The following GPR174 variants were observed in gnomAD, a reference collection of about 807,000 sequenced individuals.
GPR174 encodes the protein probable G protein-coupled receptor 174.
GPR174 carries 8 observed loss-of-function variants against 16.5 expected under a neutral mutation model. The observed-to-expected ratio is 0.48, with a 90% CI of 0.28 to 0.87. The LOEUF (loss-of-function observed/expected upper bound fraction) is 0.87. Ranked by LOEUF, GPR174 falls within the 40% of genes least tolerant of loss-of-function variation. The pLI, the probability that GPR174 is intolerant of heterozygous loss-of-function variation, is 0.09. For missense variants in GPR174, 214 were observed against 247.5 expected (o/e 0.86, Z 0.91); for synonymous variants, 111 against 94.8 (o/e 1.17, Z -0.99).
intron 1 of GPR174, among the ~76,000 whole-genome samples, chrX:79,154,582 G>A (rs895568931): frequency 9.0e-6 from 1 of 111,080 alleles, no homozygotes; most frequent in African/African-American, 3.3e-5. Flanking sequence ...GCACTGGGAA[G>A]GAAGAACACA....
intron 2 of GPR174, among the ~76,000 whole-genome samples, chrX:79,161,944 T>G (rs766356516): frequency 8.9e-6 from 1 of 111,853 alleles, no homozygotes; most frequent in Admixed American, 9.5e-5. Flanking sequence ...CTGACTTGCT[T>G]TCGTTTTTAC....
intron 1 of GPR174, among the ~76,000 whole-genome samples, chrX:79,152,145 G>T (rs188758837): frequency 9.0e-6 from 1 of 111,424 alleles, no homozygotes. Context: ...GTACACAGAG[G>T]CTCTCCTAAA....
At chrX:79,160,979 G>A (rs941397814) in intron 2 of GPR174, among the ~76,000 whole-genome samples, 4 of 111,766 alleles carry the variant, frequency 3.6e-5, no homozygotes, top group African/African-American at 1.3e-4. Context: ...ATCTGGAAAA[G>A]CTTGTCTAAA....
In GPR174 at chrX:79,175,259, T is replaced by C. The variant is rs1921613511; in HGVS notation, c.*3250T>C. ...AAATGTTGCACTTGGAATTTATTTATGGCTATAACTTATAATATTCATTTT... is the reference window on the plus strand; with the variant it reads ...AAATGTTGCACTTGGAATTTATTTACGGCTATAACTTATAATATTCATTTT... On this transcript the variant is annotated 3_prime_UTR_variant, in exon 3 of 3. Transcript: ENST00000645147. 1.8e-5 allele frequency: 2 copies of C among 111,955 alleles called. No homozygotes were observed. Among genetic ancestry groups the C allele is most frequent in the Non-Finnish European group, 3.8e-5 (2 of 53,168 alleles). 9.2% of individuals were successfully genotyped at this position (111,955 alleles called of 1,213,427 possible). A position where few individuals can be genotyped will look rare whatever the true frequency, so the allele number is the denominator to read the frequency against.
intron 1 of GPR174, among the ~76,000 whole-genome samples, chrX:79,147,861 C>A (rs913100229): frequency 9.0e-6 from 1 of 111,672 alleles, no homozygotes; most frequent in East Asian, 2.8e-4. Flanking sequence ...TGTCATATAA[C>A]CGAGTGCTAT....
At chrX:79,165,170 A>T (rs760924843) in intron 2 of GPR174, among the ~76,000 whole-genome samples, 1 of 110,984 alleles carries the variant, frequency 9.0e-6, no homozygotes, top group Non-Finnish European at 1.9e-5. Flanking sequence ...GTCTGCTTAG[A>T]GGCTTCCGTA....
At chrX:79,156,672 C>A (rs572160872) in intron 1 of GPR174, 150 bp from the exon 2 acceptor site, 1 of 111,900 alleles carries the variant, frequency 8.9e-6, no homozygotes, top group African/African-American at 3.2e-5. Context: ...ACTTCGCTAC[C>A]ACTAATGACT....
Position 79,173,525 on chromosome X carries a change from C to A in GPR174, c.*1516C>A, listed in dbSNP as rs1921567490. On this transcript the variant is annotated 3_prime_UTR_variant, in exon 3 of 3. Coordinates refer to ENST00000645147, the MANE Select transcript of GPR174 (RefSeq NM_032553.3). ...CGTCTCACAGAAGGAATGTAGAACCCAATCAAAGGCTTTATCATATTTAGA... is the reference window on the plus strand; with the variant it reads ...CGTCTCACAGAAGGAATGTAGAACCAAATCAAAGGCTTTATCATATTTAGA... 1.8e-5 allele frequency: 2 copies of A among 111,716 alleles called. No individual in the cohort carries two copies. Among genetic ancestry groups the A allele is most frequent in the South Asian group, 7.4e-4 (2 of 2,691 alleles). The allele number at this position is 111,716 out of a possible 1,213,427, so 9.2% of individuals were successfully genotyped here.
At chrX:79,166,566 G>A (rs1241397330) in intron 2 of GPR174, among the ~76,000 whole-genome samples, 1 of 101,759 alleles carries the variant, frequency 9.8e-6, no homozygotes, top group Admixed American at 1.1e-4. Flanking sequence ...AGTGTCCCAA[G>A]TAGCTGGGAT....
intron 1 of GPR174, among the ~76,000 whole-genome samples, chrX:79,145,697 A>G (rs931994981): frequency 8.9e-6 from 1 of 111,922 alleles, no homozygotes; most frequent in Non-Finnish European, 1.9e-5. Flanking sequence ...AATGAGAGAT[A>G]CAATATTTCA....
At position 79,171,179 on chromosome X, in the gene GPR174, A is replaced by G; in HGVS notation, c.172A>G (p.Met58Val). Residue 58 changes from methionine to valine, a missense_variant, in exon 3 of 3, where the codon ATG becomes GTG. Coordinates refer to ENST00000645147, the MANE Select transcript of GPR174 (RefSeq NM_032553.3). ...MKETKRAVIF[M>V]INLAIADLLQ... The stretch of plus-strand genomic sequence containing the variant: ...AGAAACAAAACGAGCTGTGATATTT[A>G]TGATAAACTTAGCCATTGCTGACTT... The G allele has an allele frequency of 8.3e-7, 1 of 1,206,768 alleles. No homozygotes were observed. Among genetic ancestry groups the G allele is most frequent in the Non-Finnish European group, 1.1e-6 (1 of 892,214 alleles).
At chrX:79,152,327 G>C (rs1483869339) in intron 1 of GPR174, among the ~76,000 whole-genome samples, 3 of 111,114 alleles carry the variant, frequency 2.7e-5, no homozygotes, top group Non-Finnish European at 5.7e-5. Flanking sequence ...TTTTATATTT[G>C]TGAGTAAGCT....
chrX:79,145,407 C>T (rs1205134690), intron 1 of GPR174, among the ~76,000 whole-genome samples, 190 bp downstream of exon 1: 6 of 111,104 alleles, frequency 5.4e-5, no homozygotes, highest in African/African-American at 9.8e-5. Context: ...AATTGTATGA[C>T]GGGCTGCCGG....
chrX:79,153,860 A>G (rs372868803), intron 1 of GPR174, among the ~76,000 whole-genome samples: 1 of 112,079 alleles, frequency 8.9e-6, no homozygotes, highest in East Asian at 2.8e-4. Context: ...TTAACTTGTT[A>G]TATAACTCAG....
intron 1 of GPR174, among the ~76,000 whole-genome samples, 181 bp downstream of exon 1, chrX:79,145,398 A>G (rs1926479603): frequency 9.0e-6 from 1 of 111,474 alleles, no homozygotes; most frequent in East Asian, 2.8e-4. Context: ...AACAAAAATA[A>G]TTGTATGACG....
Position 79,144,964 on chromosome X carries a change from TTC to T in GPR174, c.-903_-902del, listed in dbSNP as rs1348322982. ...TCTTTCTTTCTTTTTCTTTCTTTCTTTCTCTTTCTTTCTTTTTCTTTCTTTCT... is the reference window on the plus strand; with the variant it reads ...TCTTTCTTTCTTTTTCTTTCTTTCTTTCTTTCTTTCTTTTTCTTTCTTTCT... On this transcript the variant is annotated 5_prime_UTR_variant, in exon 1 of 3. Coordinates refer to ENST00000645147, the MANE Select transcript of GPR174 (RefSeq NM_032553.3). The T allele has an allele frequency of 3.8e-5, 4 of 104,079 alleles. No individual in the cohort carries two copies. Among genetic ancestry groups the T allele is most frequent in the East Asian group, 3.5e-4 (1 of 2,876 alleles). The allele number at this position is 104,079 out of a possible 1,213,427, so 8.6% of individuals were successfully genotyped here. A position where few individuals can be genotyped will look rare whatever the true frequency, so the allele number is the denominator to read the frequency against.
Position 79,170,955 on chromosome X carries a change from T to G in GPR174, c.-53T>G, listed in dbSNP as rs141312173. ...TTTTGGAAGGAACAGCAGTTGATTG[T>G]GAATTTAGTTTTGAACCACCATTAG... On this transcript the variant is annotated 5_prime_UTR_variant, in exon 3 of 3. Coordinates refer to ENST00000645147, the MANE Select transcript of GPR174 (RefSeq NM_032553.3). The G allele has an allele frequency of 3.1e-5, 32 of 1,048,099 alleles. No homozygotes were observed. In the African/African-American group the frequency reaches 5.8e-4, roughly 19 times the overall value. The allele number at this position is 1,048,099 out of a possible 1,213,427, so 86.4% of individuals were successfully genotyped here.
Position 79,172,061 on chromosome X carries a change from T to G in GPR174, c.*52T>G. The G allele has an allele frequency of 9.1e-7, 1 of 1,102,512 alleles. No individual in the cohort carries two copies. The highest frequency in any genetic ancestry group is 1.2e-6 in the Non-Finnish European group (1 of 823,414). 90.9% of individuals were successfully genotyped at this position (1,102,512 alleles called of 1,213,427 possible). The stretch of plus-strand genomic sequence containing the variant: ...TGAAATGCAAGTACATCAGAACATA[T>G]CTGCAATACCCAAGCCACAGGGAAG... On this transcript the variant is annotated 3_prime_UTR_variant, in exon 3 of 3. Coordinates refer to ENST00000645147, the MANE Select transcript of GPR174 (RefSeq NM_032553.3).
intron 1 of GPR174, among the ~76,000 whole-genome samples, chrX:79,153,618 T>C (rs1180247258): frequency 9.0e-6 from 1 of 111,659 alleles, no homozygotes; most frequent in African/African-American, 3.3e-5. Flanking sequence ...TATACCATTG[T>C]AGAAAAAAAC....
Sources: allele counts gnomAD v4.1 joint callset (sites outside exome capture counted in the v4.1 genomes callset), GRCh38; gene constraint gnomAD v4.1.1; transcripts MANE v1.5; gene names NCBI Gene and HGNC (gene_info 2026-07-23, HGNC 2026-07-21).